HERC1: variants seen among roughly 807,000 people sequenced by gnomAD.
HERC1 encodes the protein HECT and RLD domain containing E3 ubiquitin protein ligase family member 1, also known as probable E3 ubiquitin-protein ligase HERC1.
Under a neutral mutation model 554.3 loss-of-function variants are expected in HERC1, and 160 were observed. The ratio of observed to expected loss-of-function variants is 0.29; its 90% CI spans 0.25 to 0.33. The LOEUF (loss-of-function observed/expected upper bound fraction) is 0.33. Among genes scored for constraint, HERC1 ranks in the 10% least tolerant of loss-of-function variants. HERC1 has a pLI of 1.00. For synonymous variants in HERC1, 2,175 were observed against 2,131.7 expected (o/e 1.02, Z -0.56); for missense variants, 4,919 against 5,918.5 (o/e 0.83, Z 5.54).
At chr15:63,659,667 A>G in intron 47 of HERC1, 69 bp downstream of exon 47, 1 of 1,038,562 alleles carries the variant, frequency 9.6e-7, no homozygotes, top group Non-Finnish European at 1.5e-6. Flanking sequence ...TATTATTATT[A>G]TTTACCTATC....
Position 63,648,351 on chromosome 15 carries a change from G to A in HERC1, c.10748-152C>T, listed in dbSNP as rs116174450. 5.0e-3 allele frequency among the ~76,000 whole-genome samples: 769 copies of A among 152,334 alleles called. 6 individuals are homozygous for A. The highest frequency in any genetic ancestry group is 7.2e-3 in the Non-Finnish European group (489 of 68,032). ...TAATGCATTTAGACAAAATGTAGGC[G>A]TACAGTGGGGATTCCATGTAACATA... On this transcript the variant is annotated intron_variant, in intron 54 of 77. Transcript: ENST00000443617.
chr15:63,744,169 T>C, intron 12 of HERC1, among the ~76,000 whole-genome samples: 1 of 24,486 alleles, frequency 4.1e-5, no homozygotes, highest in South Asian at 9.1e-4. Flanking sequence ...TGTGTGTCTC[T>C]CTCTCTCTCT....
chr15:63,673,558 T>C (rs749791338), intron 38 of HERC1, among the ~76,000 whole-genome samples: 2 of 152,172 alleles, frequency 1.3e-5, no homozygotes, highest in East Asian at 1.9e-4. Flanking sequence ...TCAACAAACA[T>C]TGACTGAACG....
chr15:63,611,405 G>C lies in HERC1; in HGVS notation c.14400+846C>G, dbSNP rs1159101121. On this transcript the variant is annotated intron_variant, in intron 77 of 77. Transcript: ENST00000443617. ...CAGCAGTGTGCTTTTCAGACTCTAA[G>C]CCCTCTTATTCCTAAGCCATCTGTC... Among the ~76,000 whole-genome samples, 4 of 152,190 alleles carry C rather than the reference G, an allele frequency of 2.6e-5. No homozygotes were observed. In the East Asian group the frequency reaches 7.7e-4, roughly 29 times the overall value.
At chr15:63,725,164 A>T (rs896292014) in intron 18 of HERC1, 128 bp downstream of exon 18, 3 of 774,892 alleles carry the variant, frequency 3.9e-6, no homozygotes, top group Admixed American at 2.7e-5. Context: ...TCATAGCCCC[A>T]GATTCCCTAC....
chr15:63,611,287 C>T (rs1007419694), intron 77 of HERC1, among the ~76,000 whole-genome samples: 1 of 152,180 alleles, frequency 6.6e-6, no homozygotes, highest in Non-Finnish European at 1.5e-5. Context: ...AGGTCATTGG[C>T]ATTTATTTCG....
chr15:63,662,899 T>C, intron 44 of HERC1, 85 bp downstream of exon 44: 1 of 1,023,170 alleles, frequency 9.8e-7, no homozygotes, highest in Middle Eastern at 2.2e-4. Flanking sequence ...GTGTTTCAAC[T>C]CTAGGCAAGG....
At chr15:63,770,055 T>C (rs897284726) in intron 2 of HERC1, among the ~76,000 whole-genome samples, 1 of 152,092 alleles carries the variant, frequency 6.6e-6, no homozygotes, top group East Asian at 1.9e-4. Flanking sequence ...ACATTACATA[T>C]GGGATCAAGT....
intron 25 of HERC1, among the ~76,000 whole-genome samples, chr15:63,703,854 G>A (rs1280792627): frequency 6.6e-6 from 1 of 151,694 alleles, no homozygotes; most frequent in African/African-American, 2.4e-5. Flanking sequence ...AGCCTCAGTG[G>A]TGCAGTGAGC....
intron 59 of HERC1, among the ~76,000 whole-genome samples, chr15:63,642,583 C>A (rs2069123467): frequency 6.6e-6 from 1 of 152,132 alleles, no homozygotes; most frequent in African/African-American, 2.4e-5. Context: ...AGCAATCTGC[C>A]CACCTCAGCC....
chr15:63,651,129 C>A, intron 53 of HERC1, 124 bp downstream of exon 53: 1 of 809,364 alleles, frequency 1.2e-6, no homozygotes, highest in South Asian at 1.8e-5. Flanking sequence ...ATTGAAATTT[C>A]AGAGTTGTTG....
intron 38 of HERC1, among the ~76,000 whole-genome samples, chr15:63,673,485 A>G (rs1041756873): frequency 1.9e-4 from 29 of 152,304 alleles, no homozygotes; most frequent in African/African-American, 7.0e-4. Context: ...AAGGCAAGGG[A>G]CTTTGTTTTG....
At chr15:63,797,546 A>C (rs575644150) in intron 1 of HERC1, among the ~76,000 whole-genome samples, 2 of 151,922 alleles carry the variant, frequency 1.3e-5, no homozygotes, top group Non-Finnish European at 2.9e-5. Context: ...TTTTTCCCTG[A>C]CCAATCAACA....
chr15:63,642,047 G>GC (rs2069089988), intron 59 of HERC1, among the ~76,000 whole-genome samples: 5 of 152,094 alleles, frequency 3.3e-5, no homozygotes, highest in Admixed American at 3.3e-4. Context: ...GGCCACTACT[G>GC]CCTAGGGTCT....
chr15:63,767,694 G>A (rs1170588486), intron 2 of HERC1, among the ~76,000 whole-genome samples: 2 of 152,050 alleles, frequency 1.3e-5, no homozygotes, highest in East Asian at 1.9e-4. Context: ...GCGAGGCTCC[G>A]TCTCAAAAAC....
chr15:63,696,150 C>G lies in HERC1; in HGVS notation c.5095G>C (p.Glu1699Gln). The G allele has an allele frequency of 6.2e-7, 1 of 1,613,300 alleles. No individual in the cohort carries two copies. Among genetic ancestry groups the G allele is most frequent in the African/African-American group, 1.3e-5 (1 of 75,038 alleles). Residue 1699 changes from glutamate (E) to glutamine (Q), a missense_variant, in exon 27 of 78, where the codon GAG becomes CAG. This residue lies in a region of HERC1 where 1,121 missense variants were observed against 1,244.0 expected (regional missense o/e 0.90). Coordinates refer to ENST00000443617, the MANE Select transcript of HERC1 (RefSeq NM_003922.4). ...TGATAGTGATGCAATCGGCCACTCT[C>G]TCCCTTGCCTCCTGTGTGTCCAACA... ...GTVGHTGGKG[E>Q]SGRLHHYQDG...
At position 63,646,127 on chromosome 15, in the gene HERC1, T is replaced by G. The variant is rs115559987; in HGVS notation, c.10879-445A>C. On this transcript the variant is annotated intron_variant, in intron 55 of 77. Coordinates refer to ENST00000443617, the MANE Select transcript of HERC1 (RefSeq NM_003922.4). Reference sequence around the variant, plus strand: ...TTTGTGTTTATATGGCTGTGATCATTGTGCTCTTCTGATTTTATTTTTATT... The same window carrying G: ...TTTGTGTTTATATGGCTGTGATCATGGTGCTCTTCTGATTTTATTTTTATT... Among the ~76,000 whole-genome samples, 1,403 of 152,338 alleles carry G rather than the reference T, an allele frequency of 9.2e-3. 19 individuals carry two copies. Among genetic ancestry groups the G allele is most frequent in the African/African-American group, 0.032 (1,339 of 41,572 alleles).
rs780744397 is a variant in HERC1, at chr15:63,666,136, C to A, written c.8338G>T (p.Ala2780Ser). Residue 2780 changes from alanine (A) to serine (S), a missense_variant, in exon 42 of 78, where the codon GCT becomes TCT. Physicochemically the swap from Ala to Ser is moderately conservative, Grantham distance 99. Coordinates refer to ENST00000443617, the MANE Select transcript of HERC1 (RefSeq NM_003922.4). ...AGGACAGTGATATTCTGGGCATCAG[C>A]CTCTCCCCTAGCACCTATACAGGGG... Reference protein sequence around the residue: ...AMEATGARGEADAQNITVLAM... With the variant: ...AMEATGARGESDAQNITVLAM... 1 of 1,612,858 alleles carries A rather than the reference C, an allele frequency of 6.2e-7. No homozygotes were observed. Among genetic ancestry groups the A allele is most frequent in the Admixed American group, 1.7e-5 (1 of 59,846 alleles).
intron 74 of HERC1, among the ~76,000 whole-genome samples, chr15:63,619,977 T>C (rs530386227): frequency 6.6e-6 from 1 of 152,348 alleles, no homozygotes; most frequent in South Asian, 2.1e-4. Context: ...TGAAGGTTTT[T>C]TGTGTCTCTA....
Sources: allele counts gnomAD v4.1 joint callset (sites outside exome capture counted in the v4.1 genomes callset), GRCh38; gene constraint gnomAD v4.1.1; regional missense constraint gnomAD v4.1.1; transcripts MANE v1.5; gene names NCBI Gene and HGNC (gene_info 2026-07-23, HGNC 2026-07-21).